Variants in CDH13 observed in about 807,000 individuals in gnomAD.
The protein encoded by CDH13 is cadherin 13, also known as cadherin-13.
In CDH13, 24 loss-of-function variants were observed where a neutral mutation model predicts 63.8. The observed-to-expected ratio is 0.38, with a 90% CI of 0.27 to 0.53. The LOEUF (loss-of-function observed/expected upper bound fraction) is 0.53, where lower values mean the gene tolerates loss of function less well. Among genes scored for constraint, CDH13 ranks in the 20% least tolerant of loss-of-function variants. The probability of loss-of-function intolerance (pLI) is 0.85; values close to 1 mark genes in which losing one functional copy is unlikely to be tolerated. For missense variants in CDH13, 1,049 were observed against 903.1 expected (o/e 1.16, Z -2.07); for synonymous variants, 503 against 355.3 (o/e 1.42, Z -4.67).
At chr16:82,919,351 T>C (rs1325792622) in intron 2 of CDH13, among the ~76,000 whole-genome samples, 1 of 152,180 alleles carries the variant, frequency 6.6e-6, no homozygotes, top group Non-Finnish European at 1.5e-5. Context: ...TCTGATCCTC[T>C]TTCTCCTCCC....
chr16:83,034,511 C>T (rs1711987888), intron 3 of CDH13, among the ~76,000 whole-genome samples: 2 of 152,180 alleles, frequency 1.3e-5, no homozygotes, highest in African/African-American at 4.8e-5. Context: ...CAGCATCTCA[C>T]TAATCTGTGA....
chr16:83,661,000 A>ATC (rs575516532), intron 8 of CDH13, among the ~76,000 whole-genome samples: 316 of 151,654 alleles, frequency 2.1e-3, no homozygotes, highest in African/African-American at 7.4e-3. Context: ...ATATTTATTT[A>ATC]ATCATTCCCC....
intron 1 of CDH13, among the ~76,000 whole-genome samples, chr16:82,638,034 G>A (rs563297813): frequency 1.9e-3 from 282 of 152,314 alleles, no homozygotes; most frequent in Non-Finnish European, 3.1e-3. Flanking sequence ...AAGCAGTAGA[G>A]GCTGAAATCC....
chr16:82,926,439 C>T (rs547642521), intron 2 of CDH13, among the ~76,000 whole-genome samples: 18 of 152,302 alleles, frequency 1.2e-4, no homozygotes, highest in Middle Eastern at 6.8e-3. Context: ...CATTATAAAC[C>T]TTGCCCTGAA....
chr16:82,650,593 G>A (rs781139918), intron 1 of CDH13, among the ~76,000 whole-genome samples: 1 of 152,162 alleles, frequency 6.6e-6, no homozygotes, highest in Admixed American at 6.5e-5. Context: ...ATGTCCCGCT[G>A]TTGGGATGAG....
rs957533847 is a variant in CDH13 at position 83,486,390 on chromosome 16, C to T, written c.782-87C>T. 2.3e-5 allele frequency: 25 copies of T among 1,088,782 alleles called. No individual in the cohort carries two copies. The African/African-American group carries it at 2.9e-4, about 13-fold the overall frequency. The allele number at this position is 1,088,782 out of a possible 1,614,324, so 67.4% of individuals were successfully genotyped here. ...TTGGAAAGTGATGGGCACACTGCTG[C>T]ACTGCTATTGCCCAGGTGGGGAAGG... On this transcript the variant is annotated intron_variant, in intron 6 of 13. Coordinates refer to ENST00000567109, the MANE Select transcript of CDH13 (RefSeq NM_001257.5).
chr16:83,650,297 T>C (rs1322721923), intron 8 of CDH13, among the ~76,000 whole-genome samples: 1 of 152,218 alleles, frequency 6.6e-6, no homozygotes. Context: ...GAAAACTACA[T>C]CAATAATTTT....
At chr16:83,637,436 C>A (rs376290432) in intron 8 of CDH13, among the ~76,000 whole-genome samples, 1 of 71,774 alleles carries the variant, frequency 1.4e-5, no homozygotes, top group African/African-American at 5.7e-5. Context: ...GTGCGCGAGC[C>A]GAAGCAGGGC....
At chr16:83,544,274 A>C (rs1200819938) in intron 7 of CDH13, among the ~76,000 whole-genome samples, 9 of 152,174 alleles carry the variant, frequency 5.9e-5, no homozygotes, top group Non-Finnish European at 1.5e-5. Context: ...CCCAGTCTAT[A>C]GGACGATTGA....
chr16:83,249,847 T>TA (rs1905317192), intron 5 of CDH13, among the ~76,000 whole-genome samples: 1 of 152,232 alleles, frequency 6.6e-6, no homozygotes, highest in African/African-American at 2.4e-5. Flanking sequence ...AAACTGCTCA[T>TA]AAGACAGGCC....
intron 6 of CDH13, among the ~76,000 whole-genome samples, chr16:83,353,025 C>T (rs142155264): frequency 2.0e-5 from 3 of 152,266 alleles, no homozygotes; most frequent in Admixed American, 6.5e-5. Flanking sequence ...ATCATGTGTA[C>T]ACATGGACAT....
intron 4 of CDH13, among the ~76,000 whole-genome samples, chr16:83,200,252 G>C (rs1005750438): frequency 6.6e-6 from 1 of 152,182 alleles, no homozygotes; most frequent in Non-Finnish European, 1.5e-5. Flanking sequence ...GCTTAGCACC[G>C]TCGGCCAAGT....
At chr16:83,265,593 G>T (rs746060251) in intron 5 of CDH13, among the ~76,000 whole-genome samples, 16 of 151,028 alleles carry the variant, frequency 1.1e-4, no homozygotes, top group Admixed American at 3.3e-4. Context: ...GGTTTTTTTT[G>T]TTCTCTCAAT....
chr16:82,700,259 GT>G (rs2030820486), intron 1 of CDH13, among the ~76,000 whole-genome samples: 1 of 152,180 alleles, frequency 6.6e-6, no homozygotes, highest in Non-Finnish European at 1.5e-5. Context: ...ATGTGCAGCA[GT>G]TTCCAAATCT....
At chr16:83,434,452 C>T (rs1437138617) in intron 6 of CDH13, among the ~76,000 whole-genome samples, 2 of 152,124 alleles carry the variant, frequency 1.3e-5, no homozygotes, top group Non-Finnish European at 2.9e-5. Context: ...CGTGGTCCAG[C>T]CCTGCCACCT....
intron 1 of CDH13, among the ~76,000 whole-genome samples, chr16:82,814,207 T>C (rs2037591552): frequency 6.6e-6 from 1 of 152,094 alleles, no homozygotes; most frequent in South Asian, 2.1e-4. Flanking sequence ...TCTAAGAGCT[T>C]TGTAATTTCC....
intron 10 of CDH13, among the ~76,000 whole-genome samples, chr16:83,740,313 A>G (rs1002111076): frequency 6.6e-5 from 10 of 151,894 alleles, no homozygotes; most frequent in African/African-American, 2.4e-4. Context: ...CTGTGATTTA[A>G]CACTGGCTGC....
intron 1 of CDH13, among the ~76,000 whole-genome samples, chr16:82,638,203 G>C (rs907534476): frequency 2.6e-5 from 4 of 152,138 alleles, no homozygotes. Context: ...AGGTGAACAC[G>C]ACAGTCCAGG....
At chr16:82,982,562 C>G (rs1910415022) in intron 2 of CDH13, among the ~76,000 whole-genome samples, 2 of 152,186 alleles carry the variant, frequency 1.3e-5, no homozygotes, top group African/African-American at 4.8e-5. Context: ...ACTATCAGTT[C>G]TATGTGGAAG....
Sources: gnomAD v4.1 joint callset for allele counts (sites outside exome capture counted in the v4.1 genomes callset) on GRCh38, gnomAD v4.1.1 for gene constraint, MANE v1.5 for transcripts, NCBI Gene and HGNC (gene_info 2026-07-23, HGNC 2026-07-21) for gene names.